MSR1: variants seen among roughly 807,000 people sequenced by gnomAD.
MSR1 encodes the protein macrophage scavenger receptor types I and II.
In MSR1, 53 loss-of-function variants were observed where a neutral mutation model predicts 47.2. That is an observed-to-expected ratio of 1.12 (90% CI 0.90 to 1.41). The LOEUF (loss-of-function observed/expected upper bound fraction) is 1.41, where lower values mean the gene tolerates loss of function less well. Ranked by LOEUF, MSR1 falls within the 40% of genes most tolerant of loss-of-function variation. The pLI is 0.00. For synonymous variants in MSR1, 239 were observed against 185.6 expected (o/e 1.29, Z -2.34); for missense variants, 786 against 546.9 (o/e 1.44, Z -4.36).
rs183604327 is a variant in MSR1, at chr8:16,173,659, T to C, written c.217+1528A>G. Among the ~76,000 whole-genome samples the C allele has an allele frequency of 7.2e-5, 11 of 152,310 alleles. No individual in the cohort carries two copies. The East Asian group carries it at 1.9e-3, about 27-fold the overall frequency. ...GTGGTGACTTTTTTGTTTTTTCTTT[T>C]TTTTTTGAGACGGAGTCTCGCTCTG... is the stretch of plus-strand genomic sequence containing the variant. On this transcript the variant is annotated intron_variant, in intron 3 of 9. Transcript: ENST00000262101.
chr8:16,144,567 T>A (rs1800648823), intron 7 of MSR1, among the ~76,000 whole-genome samples: 1 of 152,076 alleles, frequency 6.6e-6, no homozygotes, highest in South Asian at 2.1e-4. Context: ...ATAATAGTAA[T>A]AATTTAGAAA....
intron 1 of MSR1, among the ~76,000 whole-genome samples, chr8:16,191,396 A>G (rs984408880): frequency 1.3e-5 from 2 of 152,188 alleles, no homozygotes; most frequent in Non-Finnish European, 2.9e-5. Context: ...CTTTCTTTAG[A>G]TATGTAAAAT....
At chr8:16,123,779 A>AT (rs1390064600) in intron 8 of MSR1, among the ~76,000 whole-genome samples, 3 of 152,164 alleles carry the variant, frequency 2.0e-5, no homozygotes, top group Non-Finnish European at 2.9e-5. Context: ...ATAATAATGT[A>AT]TTTTAAGGAC....
At chr8:16,167,954 G>C (rs1036732494) in intron 4 of MSR1, among the ~76,000 whole-genome samples, 6 of 152,120 alleles carry the variant, frequency 3.9e-5, no homozygotes, top group African/African-American at 1.4e-4. Context: ...ATATCAACAT[G>C]TTGGGATGAG....
chr8:16,156,819 T>C lies in MSR1; in HGVS notation c.818-1675A>G, dbSNP rs557476119. On this transcript the variant is annotated intron_variant, in intron 5 of 9. Transcript: ENST00000262101. ...AATTGCTGCGAGACATATATTTAAA[T>C]GCTGCACAAGAAATGTAAGATTTCT... 1.8e-4 allele frequency among the ~76,000 whole-genome samples: 27 copies of C among 152,066 alleles called. 2 individuals carry two copies. The highest frequency in any genetic ancestry group is 1.4e-3 in the Admixed American group (21 of 15,214).
intron 3 of MSR1, among the ~76,000 whole-genome samples, chr8:16,169,448 G>A (rs1801418574): frequency 1.3e-5 from 2 of 152,204 alleles, no homozygotes; most frequent in African/African-American, 4.8e-5. Flanking sequence ...GGTGGAGCAG[G>A]AAATTGGGCA....
chr8:16,157,845 C>T (rs1369078868), intron 5 of MSR1, among the ~76,000 whole-genome samples: 2 of 151,904 alleles, frequency 1.3e-5, no homozygotes, highest in African/African-American at 2.4e-5. Flanking sequence ...TCTGTTTCAC[C>T]TCCTAGTTCC....
Position 16,143,514 on chromosome 8 carries a change from T to G in MSR1, c.1033+44A>C, listed in dbSNP as rs527600108. 9.9e-5 allele frequency: 154 copies of G among 1,551,440 alleles called. 1 individual carries two copies. In the Middle Eastern group the frequency reaches 1.0e-3, roughly 10 times the overall value. On this transcript the variant is annotated intron_variant, in intron 8 of 9. Coordinates refer to ENST00000262101, the MANE Select transcript of MSR1 (RefSeq NM_138715.3). ...CAGATCTCTAGTATCACAGACTTACTTATTACAAGAATTCACACAGAAAAC... is the reference window on the plus strand; with the variant it reads ...CAGATCTCTAGTATCACAGACTTACGTATTACAAGAATTCACACAGAAAAC...
At chr8:16,165,961 T>G (rs1801293521) in intron 4 of MSR1, among the ~76,000 whole-genome samples, 1 of 152,072 alleles carries the variant, frequency 6.6e-6, no homozygotes, top group Non-Finnish European at 1.5e-5. Flanking sequence ...GGTGAAATAG[T>G]GAGCATGGAT....
At chr8:16,186,777 G>A (rs537939392) in intron 1 of MSR1, among the ~76,000 whole-genome samples, 4 of 130,704 alleles carry the variant, frequency 3.1e-5, no homozygotes, top group East Asian at 4.4e-4. Context: ...GTCTACGGGT[G>A]CATGCCACCA....
chr8:16,161,094 T>A lies in MSR1; in HGVS notation c.817+2971A>T, dbSNP rs150678248. On this transcript the variant is annotated intron_variant, in intron 5 of 9. Transcript: ENST00000262101. ...TAAGAGCAGAGCCAGGGACACCAAC[T>A]GAGAAGCGGATGTAATACACCAGAC... Among the ~76,000 whole-genome samples, 1,062 of 149,870 alleles carry A rather than the reference T, an allele frequency of 7.1e-3. 13 individuals carry two copies. Among genetic ancestry groups the A allele is most frequent in the African/African-American group, 0.024 (976 of 40,746 alleles).
chr8:16,143,276 G>A (rs1403138725), intron 8 of MSR1, among the ~76,000 whole-genome samples: 3 of 152,078 alleles, frequency 2.0e-5, no homozygotes, highest in East Asian at 3.9e-4. Flanking sequence ...GATAGAAATT[G>A]ACTTGAAAAT....
intron 8 of MSR1, among the ~76,000 whole-genome samples, chr8:16,126,250 C>T (rs1254454629): frequency 1.3e-5 from 2 of 152,068 alleles, no homozygotes; most frequent in Non-Finnish European, 2.9e-5. Flanking sequence ...AGTCAGGGAA[C>T]ATGTAAGGTC....
chr8:16,153,303 G>A (rs59274308), intron 6 of MSR1, among the ~76,000 whole-genome samples: 296 of 152,078 alleles, frequency 1.9e-3, no homozygotes, highest in African/African-American at 6.0e-3. Context: ...GTGGAGAAAC[G>A]AACAGAATGC....
intron 1 of MSR1, among the ~76,000 whole-genome samples, chr8:16,187,819 C>A (rs1239669352): frequency 2.6e-5 from 4 of 152,098 alleles, no homozygotes; most frequent in African/African-American, 9.7e-5. Context: ...AACTAGCAAA[C>A]TGAAACAAAA....
chr8:16,175,181 C>A lies in MSR1; in HGVS notation c.217+6G>T. 1 of 1,611,054 alleles carries A rather than the reference C, an allele frequency of 6.2e-7. No individual in the cohort carries two copies. The highest frequency in any genetic ancestry group is 8.5e-7 in the Non-Finnish European group (1 of 1,177,396). On this transcript the variant is annotated splice_donor_region_variant and intron_variant, in intron 3 of 9. Transcript: ENST00000262101. The stretch of plus-strand genomic sequence containing the variant: ...TACTAAATTTCAAAACTCTGGGTTA[C>A]GTTACCTGCCACTATTCCAATGAGA...
chr8:16,139,172 ATC>A (rs1210516642), intron 8 of MSR1: 1 of 660,168 alleles, frequency 1.5e-6, no homozygotes, highest in Admixed American at 6.3e-5. Context: ...TTTCTCGAGC[ATC>A]TCTCTTTTTG....
At chr8:16,182,236 G>A (rs893783664) in intron 1 of MSR1, among the ~76,000 whole-genome samples, 3 of 152,174 alleles carry the variant, frequency 2.0e-5, no homozygotes, top group Admixed American at 6.6e-5. Flanking sequence ...AAGATACGAA[G>A]TTCTGCACCT....
chr8:16,147,659 T>C (rs529273191), intron 7 of MSR1, among the ~76,000 whole-genome samples: 1 of 152,140 alleles, frequency 6.6e-6, no homozygotes, highest in Non-Finnish European at 1.5e-5. Context: ...TAGCACCTTC[T>C]TCAGACTCTT....
Sources: allele counts gnomAD v4.1 joint callset (sites outside exome capture counted in the v4.1 genomes callset), GRCh38; gene constraint gnomAD v4.1.1; transcripts MANE v1.5; gene names NCBI Gene and HGNC (gene_info 2026-07-23, HGNC 2026-07-21).